Variants in FBXW11 observed in about 807,000 individuals in gnomAD.
FBXW11 encodes F-box/WD repeat-containing protein 11.
Under a neutral mutation model 77.6 loss-of-function variants are expected in FBXW11, and 19 were observed. That is an observed-to-expected ratio of 0.24 (90% CI 0.17 to 0.36). The LOEUF is 0.36. Among genes scored for constraint, FBXW11 ranks in the 10% least tolerant of loss-of-function variants. The pLI, the probability that FBXW11 is intolerant of heterozygous loss-of-function variation, is 1.00. For synonymous variants in FBXW11, 235 were observed against 249.4 expected (o/e 0.94, Z 0.54); for missense variants, 334 against 704.2 (o/e 0.47, Z 5.95).
At chr5:171,992,642 T>C (rs941497112) in intron 1 of FBXW11, among the ~76,000 whole-genome samples, 26 of 152,196 alleles carry the variant, frequency 1.7e-4, no homozygotes, top group African/African-American at 2.4e-5. Context: ...TTCCTTTATG[T>C]TGCCATTCCC....
At chr5:171,916,572 G>C (rs1761267498) in intron 2 of FBXW11, 2 of 508,240 alleles carry the variant, frequency 3.9e-6, no homozygotes, top group Non-Finnish European at 5.1e-6. Flanking sequence ...TATTTATGGA[G>C]GTCTCTCCAT....
chr5:171,945,354 T>TTC (rs1277132015), intron 2 of FBXW11, among the ~76,000 whole-genome samples: 1 of 152,228 alleles, frequency 6.6e-6, no homozygotes, highest in Admixed American at 6.5e-5. Flanking sequence ...TGAAAATAGT[T>TTC]TCTACTTTAA....
chr5:171,905,977 T>C (rs901587082), intron 4 of FBXW11, among the ~76,000 whole-genome samples: 1 of 152,292 alleles, frequency 6.6e-6, no homozygotes. Flanking sequence ...CATGCTGCTG[T>C]TGTTAATTAC....
At chr5:171,977,541 G>T (rs555543366) in intron 1 of FBXW11, 1 of 442,154 alleles carries the variant, frequency 2.3e-6, no homozygotes, top group African/African-American at 2.0e-5. Context: ...AGGGGATTAC[G>T]CAATACATTT....
intron 1 of FBXW11, among the ~76,000 whole-genome samples, chr5:172,000,651 T>C (rs78714605): frequency 1.3e-3 from 192 of 152,320 alleles, no homozygotes; most frequent in African/African-American, 4.3e-3. Flanking sequence ...TGGGGAAAGT[T>C]AGTATGGTCA....
intron 1 of FBXW11, among the ~76,000 whole-genome samples, chr5:171,958,318 C>T (rs185425017): frequency 6.1e-4 from 93 of 152,232 alleles, no homozygotes; most frequent in African/African-American, 2.2e-3. Context: ...CTTATATCAC[C>T]CCAACTTTTA....
chr5:171,966,002 C>T (rs1764167085), intron 1 of FBXW11, among the ~76,000 whole-genome samples: 1 of 152,094 alleles, frequency 6.6e-6, no homozygotes. Flanking sequence ...CCTGCATCAG[C>T]GTGGTAAGAC....
At chr5:171,936,033 C>T (rs1762457462) in intron 2 of FBXW11, among the ~76,000 whole-genome samples, 1 of 149,432 alleles carries the variant, frequency 6.7e-6, no homozygotes, top group Non-Finnish European at 1.5e-5. Context: ...ACTGCTTGAA[C>T]CTGGGAGGCA....
chr5:171,938,729 T>A (rs1762601049), intron 2 of FBXW11, among the ~76,000 whole-genome samples: 1 of 152,134 alleles, frequency 6.6e-6, no homozygotes, highest in Non-Finnish European at 1.5e-5. Flanking sequence ...TTGTTTGTAA[T>A]TTCAAAAAAA....
intron 3 of FBXW11, 53 bp from the exon 4 acceptor site, chr5:171,910,850 T>A: frequency 1.6e-6 from 2 of 1,227,812 alleles, no homozygotes; most frequent in Non-Finnish European, 2.3e-6. Flanking sequence ...GAAACCTAAT[T>A]AATATTTCAT....
In FBXW11 at chr5:171,864,034, C is replaced by G. The variant is rs1175979644; in HGVS notation, c.*93G>C. ...TCTAGAACCAATTCCAGCTTCATAA[C>G]TCAGCTGTGAACGAACTCCCTTAGG... On this transcript the variant is annotated 3_prime_UTR_variant, in exon 14 of 14. Transcript: ENST00000517395. The G allele has an allele frequency of 6.6e-6, 1 of 152,166 alleles. No homozygotes were observed. The highest frequency in any genetic ancestry group is 1.5e-5 in the Non-Finnish European group (1 of 68,018). 9.4% of individuals were successfully genotyped at this position (152,166 alleles called of 1,614,324 possible).
rs1273549735 is a variant in FBXW11 at position 171,942,013 on chromosome 5, T to C, written c.147+15584A>G. 2.0e-5 allele frequency among the ~76,000 whole-genome samples: 3 copies of C among 151,546 alleles called. No homozygotes were observed. The East Asian group carries it at 5.9e-4, about 30-fold the overall frequency. On this transcript the variant is annotated intron_variant, in intron 2 of 13. Transcript: ENST00000517395. Reference sequence around the variant, plus strand: ...GGTAATAATTAATGTAAACAAGCCATTGAAATATTGCTTTTTATTTATTTT... The same window carrying C: ...GGTAATAATTAATGTAAACAAGCCACTGAAATATTGCTTTTTATTTATTTT...
chr5:171,912,907 CAA>C (rs538848079), intron 3 of FBXW11, among the ~76,000 whole-genome samples: 62 of 114,298 alleles, frequency 5.4e-4, no homozygotes, highest in Admixed American at 8.1e-4. Context: ...AAGACTGCGT[CAA>C]AAAAAAAAAA....
At chr5:171,983,622 G>A (rs1026730461) in intron 1 of FBXW11, among the ~76,000 whole-genome samples, 3 of 152,160 alleles carry the variant, frequency 2.0e-5, no homozygotes, top group Non-Finnish European at 2.9e-5. Flanking sequence ...TTGCTCACTA[G>A]TGGTGGAGAG....
At chr5:171,910,884 A>AT in intron 3 of FBXW11, 87 bp from the exon 4 acceptor site, 1 of 975,178 alleles carries the variant, frequency 1.0e-6, no homozygotes. Context: ...CACCCTGTGT[A>AT]TTTAATCTTA....
At chr5:171,997,608 C>T (rs1320836042) in intron 1 of FBXW11, among the ~76,000 whole-genome samples, 1 of 152,188 alleles carries the variant, frequency 6.6e-6, no homozygotes, top group African/African-American at 2.4e-5. Flanking sequence ...TAACTGAAGA[C>T]TGAACTTCTG....
Position 171,890,384 on chromosome 5 carries a change from G to A in FBXW11, c.852+1083C>T, listed in dbSNP as rs185289113. Among the ~76,000 whole-genome samples, 1,169 of 151,486 alleles carry A rather than the reference G, an allele frequency of 7.7e-3. 8 individuals are homozygous for A. The highest frequency in any genetic ancestry group is 0.012 in the Non-Finnish European group (820 of 67,860). On this transcript the variant is annotated intron_variant, in intron 7 of 13. Coordinates refer to ENST00000517395, the MANE Select transcript of FBXW11 (RefSeq NM_001378974.1). ...CTAAAAACAAAAAAATTAGCTGGGCGTGGTGCCACATGCCTGTAGTCCCAG... is the reference window on the plus strand; with the variant it reads ...CTAAAAACAAAAAAATTAGCTGGGCATGGTGCCACATGCCTGTAGTCCCAG...
rs189219684 is a variant in FBXW11, at chr5:171,982,146, G to T, written c.45+24312C>A. Among the ~76,000 whole-genome samples the T allele has an allele frequency of 2.7e-3, 407 of 152,254 alleles. 1 individual carries two copies. The highest frequency in any genetic ancestry group is 5.0e-3 in the Non-Finnish European group (342 of 68,022). On this transcript the variant is annotated intron_variant, in intron 1 of 13. Coordinates refer to ENST00000517395, the MANE Select transcript of FBXW11 (RefSeq NM_001378974.1). ...AACTCAAACAGTACACTTAAAATGAGTGGATTTTATTGAATGTAAACCATA... is the reference window on the plus strand; with the variant it reads ...AACTCAAACAGTACACTTAAAATGATTGGATTTTATTGAATGTAAACCATA...
At chr5:171,933,415 C>A (rs919460674) in intron 2 of FBXW11, among the ~76,000 whole-genome samples, 1 of 152,122 alleles carries the variant, frequency 6.6e-6, no homozygotes, top group Non-Finnish European at 1.5e-5. Context: ...TATGATACTG[C>A]AATGATGGAA....
Sources: gnomAD v4.1 joint callset for allele counts (sites outside exome capture counted in the v4.1 genomes callset) on GRCh38, gnomAD v4.1.1 for gene constraint, MANE v1.5 for transcripts, NCBI Gene and HGNC (gene_info 2026-07-23, HGNC 2026-07-21) for gene names.